The following NRG1 variants were observed in gnomAD, a reference collection of about 807,000 sequenced individuals.
The protein encoded by NRG1 is pro-neuregulin-1, membrane-bound isoform.
A neutral mutation model predicts 63.8 loss-of-function variants in NRG1; 18 were observed. That is an observed-to-expected ratio of 0.28 (90% confidence interval 0.19 to 0.42). The LOEUF (loss-of-function observed/expected upper bound fraction) is 0.42, where lower values mean the gene tolerates loss of function less well. Among genes scored for constraint, NRG1 ranks in the 10% least tolerant of loss-of-function variants. The probability of loss-of-function intolerance (pLI) is 1.00; values close to 1 mark genes in which losing one functional copy is unlikely to be tolerated. For synonymous variants in NRG1, 302 were observed against 301.3 expected (o/e 1.00, Z -0.02); for missense variants, 762 against 814.7 (o/e 0.94, Z 0.79).
rs527894676 is a variant in NRG1, at chr8:32,537,585, G to C, written c.38-58243G>C. Among the ~76,000 whole-genome samples, 29 of 152,288 alleles carry C rather than the reference G, an allele frequency of 1.9e-4. No homozygotes were observed. In the South Asian group the frequency reaches 5.2e-3, roughly 27 times the overall value. The stretch of plus-strand genomic sequence containing the variant: ...GAGATGTCTGGGGACACCTGTGCTG[G>C]GTTGGCAGGAGCAGCAGCAGCTGGA... On this transcript the variant is annotated intron_variant, in intron 1 of 10. Coordinates refer to the NRG1 transcript ENST00000519301.
At chr8:32,103,810 A>G (rs2131379511) in intron 1 of NRG1, among the ~76,000 whole-genome samples, 1 of 152,192 alleles carries the variant, frequency 6.6e-6, no homozygotes, top group Non-Finnish European at 1.5e-5. Context: ...GCAGAGCTGT[A>G]GAGAGGAGAT....
Position 31,754,962 on chromosome 8 carries a change from C to T in NRG1, c.37+115531C>T, listed in dbSNP as rs116338940. On this transcript the variant is annotated intron_variant, in intron 1 of 10. Coordinates refer to the NRG1 transcript ENST00000519301. ...TATTCAGGTAGATAAGGGAAATTTA[C>T]GTGGAAGCTGAAGTTCCTTACTAGA... Among the ~76,000 whole-genome samples the T allele has an allele frequency of 3.6e-3, 546 of 152,128 alleles. 4 individuals are homozygous for T. Among genetic ancestry groups the T allele is most frequent in the African/African-American group, 0.013 (526 of 41,516 alleles).
chr8:32,642,461 G>A (rs578094260), intron 5 of NRG1, among the ~76,000 whole-genome samples: 4 of 152,268 alleles, frequency 2.6e-5, no homozygotes, highest in African/African-American at 4.8e-5. Context: ...GAAGGGCTTC[G>A]TCAAGGAGCT....
intron 1 of NRG1, among the ~76,000 whole-genome samples, chr8:31,820,457 A>G (rs931778301): frequency 3.3e-5 from 5 of 152,224 alleles, no homozygotes; most frequent in Non-Finnish European, 2.9e-5. Flanking sequence ...TCTCAGGAAC[A>G]GTTCATTGTC....
At chr8:32,189,020 A>C (rs1352205035) in intron 1 of NRG1, among the ~76,000 whole-genome samples, 4 of 152,182 alleles carry the variant, frequency 2.6e-5, no homozygotes, top group Non-Finnish European at 5.9e-5. Flanking sequence ...ACCTCCAAAA[A>C]GTAATGCAAC....
At chr8:32,054,859 CTTTCTTTTTTTTTTTTTTTTTTTTT>C (rs1822611393) in intron 1 of NRG1, among the ~76,000 whole-genome samples, 12 of 70,662 alleles carry the variant, frequency 1.7e-4, no homozygotes, top group South Asian at 5.1e-4. Context: ...AGATTTCTTT[CTTTCTTTTTTTTTTTTTTTTTTTTT>C]TTTTTTTTTT....
intron 1 of NRG1, among the ~76,000 whole-genome samples, chr8:31,981,217 G>T (rs568009584): frequency 3.9e-5 from 6 of 151,998 alleles, no homozygotes; most frequent in Non-Finnish European, 5.9e-5. Flanking sequence ...TTATCTTCAT[G>T]TTCCTGGAAT....
chr8:32,764,930 C>T (rs1831307709), exon 12 of NRG1: 1 of 152,186 alleles, frequency 6.6e-6, no homozygotes, highest in African/African-American at 2.4e-5. Context: ...CCTCATTGGG[C>T]TCTGAGATAA....
intron 4 of NRG1, among the ~76,000 whole-genome samples, chr8:32,615,961 C>G (rs1847283045): frequency 6.6e-6 from 1 of 152,042 alleles, no homozygotes; most frequent in Non-Finnish European, 1.5e-5. Context: ...TTATCTGACT[C>G]CAGTAAATGC....
chr8:31,959,768 A>G (rs1387598613), intron 1 of NRG1, among the ~76,000 whole-genome samples: 1 of 150,660 alleles, frequency 6.6e-6, no homozygotes. Flanking sequence ...TGGAACCCCA[A>G]GCAACCACCG....
intron 1 of NRG1, among the ~76,000 whole-genome samples, chr8:32,217,945 T>C (rs776990365): frequency 6.6e-6 from 1 of 152,222 alleles, no homozygotes; most frequent in Non-Finnish European, 1.5e-5. Context: ...AGGAGGGCTT[T>C]TTACAGAAAA....
chr8:32,114,109 C>A (rs549286345), intron 1 of NRG1, among the ~76,000 whole-genome samples: 1 of 152,298 alleles, frequency 6.6e-6, no homozygotes, highest in East Asian at 1.9e-4. Context: ...ATGGCCAAAG[C>A]GTTTACTTAC....
chr8:31,835,654 T>C (rs1397992836), intron 1 of NRG1, among the ~76,000 whole-genome samples: 1 of 152,204 alleles, frequency 6.6e-6, no homozygotes, highest in African/African-American at 2.4e-5. Context: ...TACCCTTTAA[T>C]AGCATATTTT....
chr8:32,130,304 G>A (rs886982472), intron 1 of NRG1, among the ~76,000 whole-genome samples: 1 of 151,886 alleles, frequency 6.6e-6, no homozygotes, highest in Admixed American at 6.6e-5. Flanking sequence ...CTAATTTCTA[G>A]CATTCAGCAG....
At chr8:31,977,588 A>T (rs1164563311) in intron 1 of NRG1, among the ~76,000 whole-genome samples, 4 of 152,088 alleles carry the variant, frequency 2.6e-5, no homozygotes, top group Non-Finnish European at 5.9e-5. Flanking sequence ...CAAACCACTC[A>T]GTGGACATCC....
intron 1 of NRG1, among the ~76,000 whole-genome samples, chr8:32,000,577 CTT>C (rs1812766438): frequency 6.6e-6 from 1 of 151,806 alleles, no homozygotes; most frequent in Non-Finnish European, 1.5e-5. Flanking sequence ...TTATCCCTCT[CTT>C]AAAAAAATTT....
At chr8:31,733,344 A>G (rs968876759) in intron 1 of NRG1, among the ~76,000 whole-genome samples, 6 of 152,172 alleles carry the variant, frequency 3.9e-5, no homozygotes, top group African/African-American at 1.4e-4. Context: ...CAGTAGTGAG[A>G]GTGCAGGATC....
intron 1 of NRG1, among the ~76,000 whole-genome samples, chr8:31,787,500 A>G (rs1249003004): frequency 6.6e-6 from 1 of 152,170 alleles, no homozygotes; most frequent in Non-Finnish European, 1.5e-5. Flanking sequence ...CCATCTACCT[A>G]AGCCTCAAAC....
chr8:31,941,684 T>C (rs1488257931), intron 1 of NRG1, among the ~76,000 whole-genome samples: 1 of 152,148 alleles, frequency 6.6e-6, no homozygotes, highest in Non-Finnish European at 1.5e-5. Flanking sequence ...GGTAAATGAA[T>C]TCAGCAAAGT....
Sources: allele counts gnomAD v4.1 joint callset (sites outside exome capture counted in the v4.1 genomes callset), GRCh38; gene constraint gnomAD v4.1.1; transcripts MANE v1.5; gene names NCBI Gene and HGNC (gene_info 2026-07-23, HGNC 2026-07-21).